Variants in DPYD observed in about 807,000 individuals in gnomAD.
DPYD encodes dihydropyrimidine dehydrogenase [NADP(+)].
A neutral mutation model predicts 116.2 loss-of-function variants in DPYD; 109 were observed. The ratio of observed to expected loss-of-function variants is 0.94; its 90% CI spans 0.80 to 1.10. The LOEUF (loss-of-function observed/expected upper bound fraction) is 1.10. DPYD is among the 50% of genes least tolerant of loss of function. The pLI is 0.00. For synonymous variants in DPYD, 440 were observed against 432.0 expected (o/e 1.02, Z -0.23); for missense variants, 1,302 against 1,254.5 (o/e 1.04, Z -0.57).
chr1:97,770,643 A>G (rs1157899785), intron 3 of DPYD, among the ~76,000 whole-genome samples: 2 of 152,228 alleles, frequency 1.3e-5, no homozygotes, highest in South Asian at 2.1e-4. Context: ...TTTTTGATAT[A>G]GATTCCATAC....
At chr1:97,794,724 C>T (rs923640614) in intron 3 of DPYD, among the ~76,000 whole-genome samples, 6 of 151,962 alleles carry the variant, frequency 3.9e-5, no homozygotes, top group Non-Finnish European at 8.8e-5. Flanking sequence ...TTATACTTTT[C>T]GGAAAAAAGT....
At chr1:97,268,127 T>TA (rs1664349863) in intron 18 of DPYD, among the ~76,000 whole-genome samples, 1 of 152,182 alleles carries the variant, frequency 6.6e-6, no homozygotes, top group Non-Finnish European at 1.5e-5. Context: ...ATTTTAAAGC[T>TA]AGAGAATAAT....
chr1:97,625,806 C>T (rs557782917), intron 8 of DPYD, among the ~76,000 whole-genome samples: 2 of 152,002 alleles, frequency 1.3e-5, no homozygotes, highest in East Asian at 1.9e-4. Context: ...TTAAGCCACC[C>T]TGTCTGTGAT....
intron 18 of DPYD, among the ~76,000 whole-genome samples, chr1:97,302,339 C>T (rs1051474949): frequency 7.9e-5 from 12 of 152,066 alleles, no homozygotes; most frequent in African/African-American, 2.9e-4. Flanking sequence ...ACTGTTCTCA[C>T]TATGAAATCA....
intron 13 of DPYD, among the ~76,000 whole-genome samples, chr1:97,484,431 G>C (rs59239210): frequency 6.6e-6 from 1 of 152,292 alleles, no homozygotes; most frequent in African/African-American, 2.4e-5. Context: ...TTTCACTCTA[G>C]AATTTTCTAG....
chr1:97,298,758 T>C (rs1176242946), intron 18 of DPYD, among the ~76,000 whole-genome samples: 1 of 152,078 alleles, frequency 6.6e-6, no homozygotes, highest in Non-Finnish European at 1.5e-5. Context: ...CCAGTCATGC[T>C]CTCCTTTCCT....
intron 19 of DPYD, among the ~76,000 whole-genome samples, chr1:97,232,397 T>C (rs993390317): frequency 6.6e-6 from 1 of 152,186 alleles, no homozygotes; most frequent in Non-Finnish European, 1.5e-5. Context: ...GAAGCTGCCC[T>C]CTTTGGAAGT....
intron 14 of DPYD, among the ~76,000 whole-genome samples, chr1:97,424,647 T>C (rs1323423793): frequency 4.6e-5 from 7 of 152,118 alleles, no homozygotes; most frequent in African/African-American, 1.2e-4. Context: ...CTAATTCTTA[T>C]AGGATACCTT....
intron 8 of DPYD, among the ~76,000 whole-genome samples, chr1:97,598,663 C>T (rs1024500575): frequency 6.6e-6 from 1 of 151,970 alleles, no homozygotes; most frequent in Non-Finnish European, 1.5e-5. Flanking sequence ...AAGGATCCTG[C>T]TTATGTTACA....
intron 13 of DPYD, among the ~76,000 whole-genome samples, chr1:97,500,194 G>C (rs1424561039): frequency 6.6e-6 from 1 of 151,744 alleles, no homozygotes; most frequent in Non-Finnish European, 1.5e-5. Context: ...AATTTTACAG[G>C]TAATTCATCA....
chr1:97,744,367 T>G lies in DPYD; in HGVS notation c.234-3888A>C, dbSNP rs1161158732. 3.3e-5 allele frequency among the ~76,000 whole-genome samples: 5 copies of G among 152,166 alleles called. No homozygotes were observed. The East Asian group carries it at 9.7e-4, about 29-fold the overall frequency. On this transcript the variant is annotated intron_variant, in intron 3 of 22. Transcript: ENST00000370192. ...TTTATTGGTAACCATCCACAGCATT[T>G]GGAATTGTAACCTATGCTTGTTAAA...
intron 3 of DPYD, among the ~76,000 whole-genome samples, chr1:97,759,322 G>A (rs1343253526): frequency 6.6e-6 from 1 of 152,048 alleles, no homozygotes; most frequent in African/African-American, 2.4e-5. Context: ...TTCCCTTCAT[G>A]TTTCTGGTTA....
intron 20 of DPYD, among the ~76,000 whole-genome samples, chr1:97,132,788 A>G (rs1447443256): frequency 6.6e-6 from 1 of 152,114 alleles, no homozygotes; most frequent in Non-Finnish European, 1.5e-5. Flanking sequence ...CTACTATTTC[A>G]TTAGTAAGCA....
At chr1:97,330,152 C>A (rs1210851660) in intron 16 of DPYD, among the ~76,000 whole-genome samples, 1 of 151,980 alleles carries the variant, frequency 6.6e-6, no homozygotes, top group Non-Finnish European at 1.5e-5. Flanking sequence ...TTTGCCCTGA[C>A]ACAATATAAA....
At chr1:97,497,529 C>A (rs2786775) in intron 13 of DPYD, among the ~76,000 whole-genome samples, 27,209 of 151,726 alleles carry the variant, frequency 0.18, 2,617 homozygotes, top group East Asian at 0.26. Flanking sequence ...CCAGTTGCCA[C>A]AATGATTGTT....
intron 20 of DPYD, among the ~76,000 whole-genome samples, chr1:97,133,759 A>C (rs1444991990): frequency 6.6e-6 from 1 of 151,648 alleles, no homozygotes; most frequent in Non-Finnish European, 1.5e-5. Flanking sequence ...GCACTTTGGG[A>C]AGCTGAGGTG....
intron 8 of DPYD, among the ~76,000 whole-genome samples, chr1:97,642,945 T>C (rs1033426952): frequency 5.3e-5 from 8 of 151,602 alleles, no homozygotes; most frequent in Non-Finnish European, 8.8e-5. Flanking sequence ...AAAAGATGGA[T>C]TAAAGACCGA....
intron 8 of DPYD, among the ~76,000 whole-genome samples, chr1:97,666,857 CTAT>C (rs1659592026): frequency 6.6e-6 from 1 of 152,210 alleles, no homozygotes; most frequent in African/African-American, 2.4e-5. Context: ...AAGTCAGGTT[CTAT>C]TAGACAAAAG....
At chr1:97,675,751 C>CTT (rs771245189) in intron 8 of DPYD, among the ~76,000 whole-genome samples, 1,565 of 142,266 alleles carry the variant, frequency 0.011, 25 homozygotes, top group African/African-American at 0.038. Flanking sequence ...GAAAGTATCT[C>CTT]TTTTTTTTTT....
Sources: gnomAD v4.1 joint callset for allele counts (sites outside exome capture counted in the v4.1 genomes callset) on GRCh38, gnomAD v4.1.1 for gene constraint, MANE v1.5 for transcripts, NCBI Gene and HGNC (gene_info 2026-07-23, HGNC 2026-07-21) for gene names.